Variants in ARHGAP26 observed in about 807,000 individuals in gnomAD.
ARHGAP26 encodes Rho GTPase activating protein 26, also known as rho GTPase-activating protein 26.
In ARHGAP26, 38 loss-of-function variants were observed where a neutral mutation model predicts 104.8. That is an observed-to-expected ratio of 0.36 (90% CI 0.28 to 0.48). The LOEUF (loss-of-function observed/expected upper bound fraction) is 0.48, where lower values mean the gene tolerates loss of function less well. Ranked by LOEUF, ARHGAP26 falls within the 20% of genes least tolerant of loss-of-function variation. The pLI, the probability that ARHGAP26 is intolerant of heterozygous loss-of-function variation, is 0.99. For missense variants in ARHGAP26, 704 were observed against 947.9 expected, an observed-to-expected ratio of 0.74 and a Z score of 3.38; for synonymous variants, 341 against 340.0, an observed-to-expected ratio of 1.00 and a Z score of -0.03.
At chr5:143,030,091 C>T (rs750345656) in intron 12 of ARHGAP26, among the ~76,000 whole-genome samples, 9 of 152,096 alleles carry the variant, frequency 5.9e-5, no homozygotes, top group Admixed American at 1.3e-4. Flanking sequence ...TCAAATTGGG[C>T]GATTTGGCCA....
intron 6 of ARHGAP26, among the ~76,000 whole-genome samples, chr5:142,894,692 C>T (rs1019418382): frequency 2.7e-4 from 41 of 152,200 alleles, no homozygotes; most frequent in African/African-American, 9.9e-4. Context: ...ACCTTAACTT[C>T]CCTCCTCTCT....
chr5:143,119,239 T>C (rs539099627), intron 17 of ARHGAP26, among the ~76,000 whole-genome samples: 343 of 152,308 alleles, frequency 2.3e-3, no homozygotes, highest in African/African-American at 7.7e-3. Context: ...ATCCAAACCG[T>C]GTATTTTTAT....
At chr5:143,222,246 TACACACACACACACACAC>T (rs66463225) in intron 22 of ARHGAP26, 94 bp from the exon 23 acceptor site, 40 of 479,132 alleles carry the variant, frequency 8.3e-5, no homozygotes, top group Middle Eastern at 4.7e-4. Context: ...GCTTCCTTCA[TACACACACACACACACAC>T]ACACACACAC....
At chr5:143,171,785 G>T (rs1802801459) in intron 20 of ARHGAP26, among the ~76,000 whole-genome samples, 1 of 152,154 alleles carries the variant, frequency 6.6e-6, no homozygotes, top group Non-Finnish European at 1.5e-5. Flanking sequence ...CTTCCAAATT[G>T]AAGAGGTGGT....
At chr5:142,786,018 C>T (rs1345005577) in intron 1 of ARHGAP26, among the ~76,000 whole-genome samples, 3 of 151,624 alleles carry the variant, frequency 2.0e-5, no homozygotes, top group Non-Finnish European at 2.9e-5. Flanking sequence ...TGTCTTGTCA[C>T]CCAGTGTGGT....
At chr5:143,055,997 A>C (rs1378101084) in intron 15 of ARHGAP26, 31 bp from the exon 16 acceptor site, 1 of 1,542,100 alleles carries the variant, frequency 6.5e-7, no homozygotes, top group African/African-American at 1.4e-5. Context: ...TCTTATTATT[A>C]AGCTGACTAG....
intron 10 of ARHGAP26, among the ~76,000 whole-genome samples, chr5:142,918,442 C>T (rs561249163): frequency 6.6e-5 from 10 of 152,320 alleles, no homozygotes; most frequent in South Asian, 2.1e-4. Flanking sequence ...CCACCGTGCC[C>T]GGCCGAGGAT....
chr5:143,044,804 G>A (rs1783996321), intron 14 of ARHGAP26, among the ~76,000 whole-genome samples: 1 of 152,184 alleles, frequency 6.6e-6, no homozygotes, highest in African/African-American at 2.4e-5. Context: ...AAGACATGGA[G>A]GAGGAAGTTG....
intron 14 of ARHGAP26, among the ~76,000 whole-genome samples, chr5:143,052,737 A>T (rs1249289111): frequency 6.6e-6 from 1 of 152,108 alleles, no homozygotes; most frequent in Admixed American, 6.5e-5. Context: ...ATTCATGAGT[A>T]TTTGGCCTCT....
At chr5:143,038,686 T>C in intron 13 of ARHGAP26, among the ~76,000 whole-genome samples, 2 of 9,750 alleles carry the variant, frequency 2.1e-4, no homozygotes, top group East Asian at 2.8e-3. Context: ...CATACGGCCT[T>C]TTTTTTTTTT....
At chr5:142,833,180 A>G (rs1449774622) in intron 1 of ARHGAP26, among the ~76,000 whole-genome samples, 1 of 150,716 alleles carries the variant, frequency 6.6e-6, no homozygotes, top group Non-Finnish European at 1.5e-5. Flanking sequence ...CAGCCTCCCG[A>G]GTAGCTGGGA....
chr5:142,928,676 G>A (rs1764266164), intron 10 of ARHGAP26, among the ~76,000 whole-genome samples: 2 of 152,250 alleles, frequency 1.3e-5, no homozygotes, highest in South Asian at 2.1e-4. Flanking sequence ...ACCTCTCTGA[G>A]CCTTGGTTTT....
rs558578488 is a variant in ARHGAP26, at chr5:142,975,692, T to C, written c.1108-38388T>C. Among the ~76,000 whole-genome samples the C allele has an allele frequency of 9.2e-5, 14 of 152,290 alleles. No individual in the cohort carries two copies. In the South Asian group the frequency reaches 2.9e-3, roughly 32 times the overall value. On this transcript the variant is annotated intron_variant, in intron 11 of 22. Coordinates refer to ENST00000645722, the MANE Select transcript of ARHGAP26 (RefSeq NM_001135608.3). ...ACTTCATCATTCCCAGTACCTAAGA[T>C]TGCAGTGTGTATACTTGTGTATACT...
rs577652768 is a variant in ARHGAP26, at chr5:143,055,964, C to T, written c.1374-64C>T. 1.4e-4 allele frequency: 162 copies of T among 1,158,888 alleles called. No homozygotes were observed. In the South Asian group the frequency reaches 1.6e-3, roughly 11 times the overall value. 71.8% of individuals were successfully genotyped at this position (1,158,888 alleles called of 1,614,324 possible). A position where few individuals can be genotyped will look rare whatever the true frequency, so the allele number is the denominator to read the frequency against. On this transcript the variant is annotated intron_variant, in intron 15 of 22. Transcript: ENST00000645722. ...TTACAGTTTGTCAGTCTCTAGGCTG[C>T]TATTTAGAGAGAATATGATTATTCT...
At chr5:143,152,977 A>G (rs1800022801) in intron 20 of ARHGAP26, among the ~76,000 whole-genome samples, 1 of 152,198 alleles carries the variant, frequency 6.6e-6, no homozygotes, top group African/African-American at 2.4e-5. Context: ...AGGGTGGTTT[A>G]ATATGCAGTG....
At chr5:142,990,306 C>T (rs556157047) in intron 11 of ARHGAP26, among the ~76,000 whole-genome samples, 20 of 152,270 alleles carry the variant, frequency 1.3e-4, no homozygotes, top group East Asian at 3.9e-4. Flanking sequence ...CAGCTCCATC[C>T]GGTCATTTAA....
intron 17 of ARHGAP26, among the ~76,000 whole-genome samples, chr5:143,117,363 T>C (rs1795600349): frequency 6.6e-6 from 1 of 152,210 alleles, no homozygotes; most frequent in Non-Finnish European, 1.5e-5. Flanking sequence ...CTGCAGAGGC[T>C]GACGTCTAGG....
At chr5:142,800,295 CCT>C (rs200682430) in intron 1 of ARHGAP26, among the ~76,000 whole-genome samples, 2,857 of 152,138 alleles carry the variant, frequency 0.019, 95 homozygotes, top group African/African-American at 0.066. Context: ...CCTTCCTCCC[CCT>C]CTCTCTGTCT....
At chr5:142,816,386 A>G (rs1306166286) in intron 1 of ARHGAP26, among the ~76,000 whole-genome samples, 5 of 152,246 alleles carry the variant, frequency 3.3e-5, no homozygotes, top group African/African-American at 9.6e-5. Context: ...AGCCTGCTCA[A>G]TCTCTTCCCC....
Sources: gnomAD v4.1 joint callset for allele counts (sites outside exome capture counted in the v4.1 genomes callset) on GRCh38, gnomAD v4.1.1 for gene constraint, MANE v1.5 for transcripts, NCBI Gene and HGNC (gene_info 2026-07-23, HGNC 2026-07-21) for gene names.